The following TLN1 variants were observed in gnomAD, a reference collection of about 807,000 sequenced individuals.
The protein encoded by TLN1 is talin 1, also known as talin-1.
In TLN1, 56 loss-of-function variants were observed where a neutral mutation model predicts 292.3. The observed-to-expected ratio is 0.19, with a 90% CI of 0.15 to 0.24. TLN1 has a LOEUF of 0.24. TLN1 is among the 10% of genes least tolerant of loss of function. The probability of loss-of-function intolerance (pLI) is 1.00; values close to 1 mark genes in which losing one functional copy is unlikely to be tolerated. For synonymous variants in TLN1, 1,119 were observed against 1,253.7 expected (o/e 0.89, Z 2.27); for missense variants, 2,433 against 3,248.2 (o/e 0.75, Z 6.10).
chr9:35,710,889 G>T lies in TLN1; in HGVS notation c.4114-3C>A. The T allele has an allele frequency of 6.2e-7, 1 of 1,614,244 alleles. No homozygotes were observed. Among genetic ancestry groups the T allele is most frequent in the Non-Finnish European group, 8.5e-7 (1 of 1,180,046 alleles). On this transcript the variant is annotated splice_region_variant and splice_polypyrimidine_tract_variant and intron_variant, in intron 31 of 56. Transcript: ENST00000314888. ...TTCTCCAGGAGTTCCCGGACCGTCT[G>T]TGTAGGGGGAGGGCAAAGTGAGATC... is the stretch of plus-strand genomic sequence containing the variant.
chr9:35,705,464 C>T, intron 43 of TLN1, 87 bp downstream of exon 43: 1 of 1,354,678 alleles, frequency 7.4e-7, no homozygotes, highest in Non-Finnish European at 1.0e-6. Flanking sequence ...TATGAAAGAC[C>T]AGAGAGGGTG....
chr9:35,714,587 T>C lies in TLN1; in HGVS notation c.2972A>G (p.Gln991Arg). ...GGGGTGCCTTGCCTGCAGGAAGCTC[T>C]GGCTGGCAGCAATGAGGGCAAGCTG... is the stretch of plus-strand genomic sequence containing the variant. ...SAQLALIAASQSFLQPGGKMV... is the reference protein window; with the variant it reads ...SAQLALIAASRSFLQPGGKMV... The change falls in exon 23 of 57, where the codon CAG becomes CGG. Residue 991 changes from glutamine to arginine, a missense_variant. Transcript: ENST00000314888. This position sits in a 1 kb window ranked among gnomAD's most constrained non-coding sequence, Gnocchi z 4.6. The C allele has an allele frequency of 1.2e-6, 2 of 1,611,228 alleles. No homozygotes were observed. Among genetic ancestry groups the C allele is most frequent in the Non-Finnish European group, 1.7e-6 (2 of 1,179,998 alleles).
chr9:35,724,827 T>A lies in TLN1; in HGVS notation c.358+3A>T, dbSNP rs757314498. 1 of 1,614,186 alleles carries A rather than the reference T, an allele frequency of 6.2e-7. No homozygotes were observed. The highest frequency in any genetic ancestry group is 1.3e-5 in the African/African-American group (1 of 75,030). Reference sequence around the variant, plus strand: ...GGCTTTCAACTGTACTAGGGCCCCTTACCAATGCGGGCACAGATGGTCATG... The same window carrying A: ...GGCTTTCAACTGTACTAGGGCCCCTAACCAATGCGGGCACAGATGGTCATG... On this transcript the variant is annotated splice_donor_region_variant and intron_variant, in intron 4 of 56. Transcript: ENST00000314888. This position sits in a 1 kb window ranked among gnomAD's most constrained non-coding sequence, Gnocchi z 4.7.
chr9:35,720,190 C>A lies in TLN1; in HGVS notation c.1313G>T (p.Arg438Leu), dbSNP rs527316013. 5 of 1,601,410 alleles carry A rather than the reference C, an allele frequency of 3.1e-6. No individual in the cohort carries two copies. Among genetic ancestry groups the A allele is most frequent in the African/African-American group, 1.3e-5 (1 of 74,434 alleles). The change falls in exon 13 of 57, where the codon CGG becomes CTG. Residue 438 changes from arginine (R) to leucine (L), a missense_variant. By Grantham distance (102) the Arg-to-Leu change is moderately radical. Coordinates refer to ENST00000314888, the MANE Select transcript of TLN1 (RefSeq NM_006289.4). The part of the protein sequence containing the change: ...KSTVLQQQYN[R>L]VGKVEHGSVA... ...AGAGCCATGCTCCACTTTCCCCACC[C>A]GGTTGTATTGCTGCTGCAGGACTGT...
Position 35,707,739 on chromosome 9 carries a change from T to G in TLN1, c.4624A>C (p.Thr1542Pro). The change falls in exon 35 of 57, where the codon ACC becomes CCC. Residue 1542 changes from threonine to proline, a missense_variant. Thr to Pro is a conservative substitution (Grantham distance 38, BLOSUM62 -1). Around this residue, in one of 7 missense-constraint regions of TLN1, gnomAD observed 1,384 missense variants for 1,699.6 expected, o/e 0.81. Coordinates refer to ENST00000314888, the MANE Select transcript of TLN1 (RefSeq NM_006289.4). This position sits in a 1 kb window ranked among gnomAD's most constrained non-coding sequence, Gnocchi z 5.6. The part of the protein sequence containing the change: ...VANSTANLVK[T>P]IKALDGAFTE... ...ATTCAAGCAATGGGAACCTTGATGGTCTTGACAAGATTAGCTGTGCTGTTG... is the reference window on the plus strand; with the variant it reads ...ATTCAAGCAATGGGAACCTTGATGGGCTTGACAAGATTAGCTGTGCTGTTG... 1 of 1,614,138 alleles carries G rather than the reference T, an allele frequency of 6.2e-7. No homozygotes were observed. Among genetic ancestry groups the G allele is most frequent in the Non-Finnish European group, 8.5e-7 (1 of 1,179,990 alleles).
chr9:35,716,621 A>G (rs1203941932), intron 19 of TLN1, 65 bp from the exon 20 acceptor site: 2 of 1,566,706 alleles, frequency 1.3e-6, no homozygotes, highest in Non-Finnish European at 1.7e-6. Flanking sequence ...GGTGGGGACA[A>G]AGGTGGGGAA....
At chr9:35,720,940 G>A (rs752347351) in intron 10 of TLN1, 27 bp from the exon 11 acceptor site, 1 of 1,565,240 alleles carries the variant, frequency 6.4e-7, no homozygotes, top group Admixed American at 1.7e-5. Flanking sequence ...GGGACTCAGA[G>A]GGAAAGCTCA....
At position 35,717,670 on chromosome 9, in the gene TLN1, A is replaced by T; in HGVS notation, c.2112T>A (p.Ala704=). 6.2e-7 allele frequency: 1 copy of T among 1,614,180 alleles called. No homozygotes were observed. The highest frequency in any genetic ancestry group is 8.5e-7 in the Non-Finnish European group (1 of 1,180,000). ...TGGATAGGGCACACTGTGTTGCTGC[A>T]GCAATAACTTGGGTCTGAAGTCCCG... ...EDSGLQTQVI[A]AATQCALSTS... Residue 704 remains alanine (A), a synonymous_variant, in exon 18 of 57, where the codon GCT becomes GCA. Coordinates refer to ENST00000314888, the MANE Select transcript of TLN1 (RefSeq NM_006289.4). This position sits in a 1 kb window ranked among gnomAD's most constrained non-coding sequence, Gnocchi z 4.7.
At chr9:35,709,512 T>C (rs981117456) in intron 33 of TLN1, among the ~76,000 whole-genome samples, 2 of 152,160 alleles carry the variant, frequency 1.3e-5, no homozygotes, top group East Asian at 3.8e-4. Context: ...TAATAGGTAG[T>C]TTTATACTTG....
chr9:35,706,850 T>C lies in TLN1; in HGVS notation c.5006A>G (p.Asn1669Ser), dbSNP rs781536225. The C allele has an allele frequency of 6.2e-7, 1 of 1,614,016 alleles. No homozygotes were observed. ...LECETAIAAL[N>S]SCLRDLDQAS... ...CTGGTCTAGGTCCCGTAGACAACTG[T>C]TCAGAGCTGCAATGGCCGTTTCACA... The change falls in exon 38 of 57, where the codon AAC (asparagine) becomes AGC (serine). Residue 1669 changes from asparagine to serine, a missense_variant. Around this residue, in one of 7 missense-constraint regions of TLN1, gnomAD observed 1,384 missense variants for 1,699.6 expected, o/e 0.81. Coordinates refer to ENST00000314888, the MANE Select transcript of TLN1 (RefSeq NM_006289.4). This position sits in a 1 kb window ranked among gnomAD's most constrained non-coding sequence, Gnocchi z 4.2.
chr9:35,715,980 GTTAA>G (rs1825772058), intron 20 of TLN1, among the ~76,000 whole-genome samples: 2 of 152,130 alleles, frequency 1.3e-5, no homozygotes, highest in Admixed American at 6.5e-5. Flanking sequence ...TGATGGATAT[GTTAA>G]TTACTCTGAT....
Position 35,717,835 on chromosome 9 carries a change from A to G in TLN1, c.1996-49T>C. On this transcript the variant is annotated intron_variant, in intron 17 of 56. Transcript: ENST00000314888. The surrounding 1 kb of genome is among the most constrained non-coding windows in gnomAD (Gnocchi z 4.7). Reference sequence around the variant, plus strand: ...TGACCTGAGATTGGGCTTGGGATTCACAGACACTTCTCAGAGGCGTAAGCT... The same window carrying G: ...TGACCTGAGATTGGGCTTGGGATTCGCAGACACTTCTCAGAGGCGTAAGCT... The G allele has an allele frequency of 6.4e-7, 1 of 1,566,782 alleles. No homozygotes were observed. Among genetic ancestry groups the G allele is most frequent in the Non-Finnish European group, 8.7e-7 (1 of 1,148,608 alleles).
In TLN1 at chr9:35,728,946, T is replaced by C. The variant is rs569460324; in HGVS notation, c.-34+3129A>G. Among the ~76,000 whole-genome samples the C allele has an allele frequency of 1.1e-3, 168 of 152,242 alleles. 2 individuals are homozygous for C. Among genetic ancestry groups the C allele is most frequent in the African/African-American group, 3.9e-3 (161 of 41,530 alleles). ...AGGATGTGGTAAGAGCCAAAAGGTG[T>C]GTGCTCAGAGAGATCCCTTTAGGTC... On this transcript the variant is annotated intron_variant, in intron 1 of 56. Coordinates refer to ENST00000314888, the MANE Select transcript of TLN1 (RefSeq NM_006289.4).
Position 35,706,642 on chromosome 9 carries a change from C to T in TLN1, c.5089-91G>A. 1 of 1,586,292 alleles carries T rather than the reference C, an allele frequency of 6.3e-7. No individual in the cohort carries two copies. The highest frequency in any genetic ancestry group is 8.6e-7 in the Non-Finnish European group (1 of 1,162,140). On this transcript the variant is annotated intron_variant, in intron 38 of 56. Transcript: ENST00000314888. This position sits in a 1 kb window ranked among gnomAD's most constrained non-coding sequence, Gnocchi z 4.2. ...TGCTCTTCTGTCCATACCAAATACC[C>T]TAACCCTCCTTCGCACATCCCAGCC...
chr9:35,726,360 C>T (rs1040302980), intron 1 of TLN1, among the ~76,000 whole-genome samples: 1 of 152,158 alleles, frequency 6.6e-6, no homozygotes, highest in African/African-American at 2.4e-5. Context: ...CTCTCTTGCC[C>T]CTTGTCCCTG....
chr9:35,709,610 C>T (rs1002333335), intron 33 of TLN1, among the ~76,000 whole-genome samples: 4 of 152,126 alleles, frequency 2.6e-5, no homozygotes, highest in Non-Finnish European at 5.9e-5. Context: ...AGTGATTGGC[C>T]GGGCGCGGTG....
At chr9:35,715,382 G>A (rs1369277814) in intron 20 of TLN1, among the ~76,000 whole-genome samples, 195 bp from the exon 21 acceptor site, 2 of 152,272 alleles carry the variant, frequency 1.3e-5, no homozygotes, top group Non-Finnish European at 2.9e-5. Context: ...AGGGGGCTAG[G>A]ATTCCCACTG....
At chr9:35,711,971 T>G in intron 28 of TLN1, 34 bp downstream of exon 28, 3 of 1,609,804 alleles carry the variant, frequency 1.9e-6, no homozygotes, top group Non-Finnish European at 2.5e-6. Context: ...ATTCTTTGAC[T>G]CCTACGTTCC....
At position 35,717,265 on chromosome 9, in the gene TLN1, T is replaced by C; in HGVS notation, c.2339A>G (p.Glu780Gly). 6.2e-7 allele frequency: 1 copy of C among 1,614,152 alleles called. No homozygotes were observed. The highest frequency in any genetic ancestry group is 8.5e-7 in the Non-Finnish European group (1 of 1,180,036). ...AATAVTQALNELLQHVKAHAT... is the reference protein window; with the variant it reads ...AATAVTQALNGLLQHVKAHAT... ...ATGGGCTTTCACATGCTGCAGCAGC[T>C]CATTTAGGGCCTGGGTGACAGCTGT... Residue 780 changes from glutamate (E) to glycine (G), a missense_variant, in exon 19 of 57, where the codon GAG becomes GGG. Physicochemically the swap from Glu to Gly is moderately conservative, Grantham distance 98 (BLOSUM62 -2). Around this residue, in one of 7 missense-constraint regions of TLN1, gnomAD observed 617 missense variants for 770.6 expected, o/e 0.80. Transcript: ENST00000314888. The surrounding 1 kb of genome is among the most constrained non-coding windows in gnomAD (Gnocchi z 4.7).
Sources: allele counts gnomAD v4.1 joint callset (sites outside exome capture counted in the v4.1 genomes callset), GRCh38; gene constraint gnomAD v4.1.1; regional missense constraint gnomAD v4.1.1; non-coding constraint Gnocchi (gnomAD v3.1); transcripts MANE v1.5; gene names NCBI Gene and HGNC (gene_info 2026-07-23, HGNC 2026-07-21).